The following HORMAD2 variants were observed in gnomAD, a reference collection of about 807,000 sequenced individuals.
HORMAD2 encodes HORMA domain containing 2, also known as HORMA domain-containing protein 2.
A neutral mutation model predicts 38.8 loss-of-function variants in HORMAD2; 45 were observed. The ratio of observed to expected loss-of-function variants is 1.16; its 90% CI spans 0.91 to 1.49. The LOEUF is 1.49. Ranked by LOEUF, HORMAD2 falls within the 40% of genes most tolerant of loss-of-function variation. The pLI, the probability that HORMAD2 is intolerant of heterozygous loss-of-function variation, is 0.00. For missense variants in HORMAD2, 338 were observed against 367.0 expected, an observed-to-expected ratio of 0.92 and a Z score of 0.65; for synonymous variants, 126 against 122.8, an observed-to-expected ratio of 1.03 and a Z score of -0.17.
At chr22:30,100,560 G>A (rs1158335151) in intron 3 of HORMAD2, among the ~76,000 whole-genome samples, 1 of 152,132 alleles carries the variant, frequency 6.6e-6, no homozygotes, top group Non-Finnish European at 1.5e-5. Context: ...AAAAGCAATT[G>A]CAACAAAAGC....
At chr22:30,144,475 A>C (rs1276602289) in intron 10 of HORMAD2, among the ~76,000 whole-genome samples, 2 of 152,250 alleles carry the variant, frequency 1.3e-5, no homozygotes, top group Non-Finnish European at 2.9e-5. Context: ...CTGTTGCAAT[A>C]AAGTCACTGT....
At chr22:30,181,837 A>T (rs1170041605), downstream of HORMAD2, among the ~76,000 whole-genome samples, 3 of 152,192 alleles carry the variant, frequency 2.0e-5, no homozygotes, top group Non-Finnish European at 4.4e-5. Flanking sequence ...ACTGTTTTTG[A>T]TAGCAATGAA....
intron 5 of HORMAD2, among the ~76,000 whole-genome samples, chr22:30,107,928 G>A (rs1484377318): frequency 2.0e-5 from 3 of 150,326 alleles, no homozygotes; most frequent in African/African-American, 4.9e-5. Flanking sequence ...GAGTGCAGTG[G>A]TGTGATCTCG....
intron 10 of HORMAD2, among the ~76,000 whole-genome samples, chr22:30,158,621 C>CCCTCCCTTCCTCCCTT (rs1325005274): frequency 8.8e-5 from 11 of 124,418 alleles, no homozygotes; most frequent in African/African-American, 2.9e-4. Flanking sequence ...GTCCCTCCCT[C>CCCTCCCTTCCTCCCTT]CCTCCCTTCC....
At chr22:30,205,560 A>G in the HORMAD2 span, among the ~76,000 whole-genome samples, 1 of 152,074 alleles carries the variant, frequency 6.6e-6, no homozygotes, top group East Asian at 1.9e-4. Flanking sequence ...CTGGGGAAAA[A>G]TCTTCAGAGA....
intron 10 of HORMAD2, among the ~76,000 whole-genome samples, chr22:30,141,305 T>C (rs1044081295): frequency 6.6e-6 from 1 of 152,142 alleles, no homozygotes; most frequent in African/African-American, 2.4e-5. Flanking sequence ...TCCCTTTTGA[T>C]TTATTCTTTG....
chr22:30,113,628 A>G (rs762932488), intron 7 of HORMAD2, among the ~76,000 whole-genome samples: 9 of 152,230 alleles, frequency 5.9e-5, no homozygotes, highest in Non-Finnish European at 1.3e-4. Flanking sequence ...GCTGTGGGAC[A>G]GAAATTGAGG....
chr22:30,126,116 G>A (rs1244400581), intron 10 of HORMAD2, among the ~76,000 whole-genome samples: 4 of 151,954 alleles, frequency 2.6e-5, no homozygotes, highest in African/African-American at 4.8e-5. Context: ...ACTTCTATTC[G>A]CATAGATTAG....
At chr22:30,136,321 G>T (rs1366374553) in intron 10 of HORMAD2, among the ~76,000 whole-genome samples, 1 of 151,950 alleles carries the variant, frequency 6.6e-6, no homozygotes, top group Non-Finnish European at 1.5e-5. Context: ...TATTTACCAT[G>T]CAATTCACTC....
chr22:30,176,249 C>T lies in HORMAD2; in HGVS notation c.*82C>T. 1 of 960,386 alleles carries T rather than the reference C, an allele frequency of 1.0e-6. No individual in the cohort carries two copies. Among genetic ancestry groups the T allele is most frequent in the Non-Finnish European group, 1.5e-6 (1 of 647,908 alleles). 59.5% of individuals were successfully genotyped at this position (960,386 alleles called of 1,614,324 possible). On this transcript the variant is annotated 3_prime_UTR_variant, in exon 11 of 11. Transcript: ENST00000336726. ...CATAAACTGTCTTAGCAGGAAAGTA[C>T]ATTCCTGTTACCAAAACCTTTTTCT...
intron 10 of HORMAD2, among the ~76,000 whole-genome samples, chr22:30,142,877 A>G (rs1476959180): frequency 6.6e-6 from 1 of 152,138 alleles, no homozygotes; most frequent in African/African-American, 2.4e-5. Flanking sequence ...TGCACATCCT[A>G]ACTTATCAGA....
intron 1 of HORMAD2, among the ~76,000 whole-genome samples, chr22:30,088,036 T>C (rs575814892): frequency 1.0e-5 from 1 of 96,196 alleles, no homozygotes; most frequent in South Asian, 4.2e-4. Flanking sequence ...TCTGTATATG[T>C]GTATACACAC....
At chr22:30,204,308 C>T in the HORMAD2 span, among the ~76,000 whole-genome samples, 1 of 152,194 alleles carries the variant, frequency 6.6e-6, no homozygotes, top group Non-Finnish European at 1.5e-5. Flanking sequence ...TCAGTGTGGT[C>T]CTCACAGTAG....
At chr22:30,099,611 G>T (rs373453053) in intron 3 of HORMAD2, among the ~76,000 whole-genome samples, 6 of 152,182 alleles carry the variant, frequency 3.9e-5, no homozygotes, top group African/African-American at 1.4e-4. Context: ...TACCAGCCAG[G>T]CATGGTGGCT....
intron 7 of HORMAD2, among the ~76,000 whole-genome samples, chr22:30,117,616 C>A (rs1039416404): frequency 6.6e-6 from 1 of 152,122 alleles, no homozygotes; most frequent in African/African-American, 2.4e-5. Flanking sequence ...TCAAGCGATT[C>A]TCCTGCCTCA....
At chr22:30,189,758 T>C in the HORMAD2 span, among the ~76,000 whole-genome samples, 19 of 152,124 alleles carry the variant, frequency 1.2e-4, no homozygotes, top group African/African-American at 4.1e-4. Context: ...GCTTAAGCTG[T>C]GAACGTTTGG....
At chr22:30,199,288 T>C in the HORMAD2 span, among the ~76,000 whole-genome samples, 1 of 152,210 alleles carries the variant, frequency 6.6e-6, no homozygotes, top group Non-Finnish European at 1.5e-5. Flanking sequence ...TTCTTTCTCC[T>C]CCCTGAGAAC....
intron 10 of HORMAD2, among the ~76,000 whole-genome samples, chr22:30,130,761 TTA>T (rs1346263636): frequency 6.6e-6 from 1 of 151,736 alleles, no homozygotes; most frequent in Non-Finnish European, 1.5e-5. Context: ...TGGCTAATTT[TTA>T]TATGTTTTAT....
intron 1 of HORMAD2, among the ~76,000 whole-genome samples, chr22:30,089,151 C>G (rs547725993): frequency 1.2e-4 from 19 of 152,106 alleles, no homozygotes; most frequent in Non-Finnish European, 1.2e-4. Flanking sequence ...TAATTCTGCC[C>G]TCTTGGGAAA....
Sources: gnomAD v4.1 joint callset for allele counts (sites outside exome capture counted in the v4.1 genomes callset) on GRCh38, gnomAD v4.1.1 for gene constraint, MANE v1.5 for transcripts, NCBI Gene and HGNC (gene_info 2026-07-23, HGNC 2026-07-21) for gene names.